The following POMT2 variants were observed in gnomAD, a reference collection of about 807,000 sequenced individuals.
POMT2 encodes the protein protein O-mannosyltransferase 2, also known as protein O-mannosyl-transferase 2.
POMT2 carries 75 observed loss-of-function variants against 100.0 expected under a neutral mutation model. The observed-to-expected ratio is 0.75, with a 90% CI of 0.62 to 0.91. The LOEUF is 0.91. Among genes scored for constraint, POMT2 ranks in the 40% least tolerant of loss-of-function variants. POMT2 has a pLI of 0.00. For missense variants in POMT2, 940 were observed against 955.1 expected, an observed-to-expected ratio of 0.98 and a Z score of 0.21; for synonymous variants, 378 against 374.1, an observed-to-expected ratio of 1.01 and a Z score of -0.12.
rs952825435 is a variant in POMT2 at position 77,277,351 on chromosome 14, C to G, written c.*25G>C. On this transcript the variant is annotated 3_prime_UTR_variant, in exon 21 of 21. Coordinates refer to ENST00000261534, the MANE Select transcript of POMT2 (RefSeq NM_013382.7). ...TGGCTCTCCTGGGAAGTTCCTGGACCCAGGCTGGAATCTTTGCAGTGGCCT... is the reference window on the plus strand; with the variant it reads ...TGGCTCTCCTGGGAAGTTCCTGGACGCAGGCTGGAATCTTTGCAGTGGCCT... 4 of 1,579,244 alleles carry G rather than the reference C, an allele frequency of 2.5e-6. No homozygotes were observed. The highest frequency in any genetic ancestry group is 1.7e-5 in the Admixed American group (1 of 59,920).
At chr14:77,287,322 C>T (rs1890461232) in intron 11 of POMT2, 1 of 153,704 alleles carries the variant, frequency 6.5e-6, no homozygotes, top group African/African-American at 2.4e-5. Context: ...TTTTATATAA[C>T]AACTCTCACT....
At chr14:77,278,970 T>C in intron 18 of POMT2, 101 bp from the exon 19 acceptor site, 2 of 1,427,564 alleles carry the variant, frequency 1.4e-6, no homozygotes, top group Non-Finnish European at 1.9e-6. Context: ...ACCTTGAATA[T>C]GTCATATCAC....
At chr14:77,284,330 T>C (rs1594888923) in intron 14 of POMT2, 1 of 225,194 alleles carries the variant, frequency 4.4e-6, no homozygotes, top group East Asian at 1.0e-4. Context: ...CCCCATGTGG[T>C]TCCTGGCATA....
chr14:77,277,539 T>C, intron 20 of POMT2, 58 bp from the exon 21 acceptor site: 1 of 1,300,176 alleles, frequency 7.7e-7, no homozygotes, highest in Middle Eastern at 1.8e-4. Context: ...GCTGAGGGGC[T>C]TTGAATTCCA....
In POMT2 at chr14:77,283,866, G is replaced by A; in HGVS notation, c.1584C>T (p.Asn528=). 6.2e-7 allele frequency: 1 copy of A among 1,611,370 alleles called. No homozygotes were observed. Among genetic ancestry groups the A allele is most frequent in the Non-Finnish European group, 8.5e-7 (1 of 1,177,450 alleles). ...TGGGCTGTAGCACATCCAGGCTGAT[G>A]TTTGGCACTAGGGGAAAAAAATGCA... ...VEDHINPKLP[N]ISLDVLQPSF... is the part of the protein sequence containing the mutation. The change falls in exon 15 of 21, where the codon AAC becomes AAT. Residue 528 remains asparagine (N), a synonymous_variant. Coordinates refer to ENST00000261534, the MANE Select transcript of POMT2 (RefSeq NM_013382.7).
chr14:77,291,731 T>A (rs1166533857), intron 9 of POMT2, among the ~76,000 whole-genome samples: 1 of 152,164 alleles, frequency 6.6e-6, no homozygotes, highest in East Asian at 1.9e-4. Context: ...AGGATTTAAG[T>A]GCATTTTCAA....
chr14:77,296,103 A>G (rs1483042613), intron 9 of POMT2, 61 bp downstream of exon 9: 7 of 1,273,608 alleles, frequency 5.5e-6, no homozygotes, highest in Admixed American at 2.0e-5. Flanking sequence ...AGGAGGCAAG[A>G]GAGTGAACTG....
In POMT2 at chr14:77,320,467, C is replaced by T. The variant is rs1430148531; in HGVS notation, c.215G>A (p.Arg72His). Residue 72 changes from arginine to histidine, a missense_variant, in exon 1 of 21, where the codon CGC (arginine) becomes CAC (histidine). Arg to His is a conservative substitution (Grantham distance 29, BLOSUM62 0). Coordinates refer to ENST00000261534, the MANE Select transcript of POMT2 (RefSeq NM_013382.7). Reference protein sequence around the residue: ...ALVTLLSFATRFHRLDEPPHI... With the variant: ...ALVTLLSFATHFHRLDEPPHI... ...CGGCGGCTCGTCCAAGCGGTGGAAG[C>T]GGGTGGCGAAGGACAGCAGCGTCAC... is the stretch of plus-strand genomic sequence containing the variant. 1.3e-6 allele frequency: 2 copies of T among 1,545,752 alleles called. No homozygotes were observed. The highest frequency in any genetic ancestry group is 1.4e-5 in the African/African-American group (1 of 73,206).
At chr14:77,289,641 G>C (rs767211124) in intron 10 of POMT2, among the ~76,000 whole-genome samples, 2 of 152,096 alleles carry the variant, frequency 1.3e-5, no homozygotes, top group Non-Finnish European at 2.9e-5. Context: ...CCATACAAAT[G>C]ACCACTTGCC....
chr14:77,308,732 G>A (rs1891328214), intron 2 of POMT2: 1 of 452,930 alleles, frequency 2.2e-6, no homozygotes, highest in Non-Finnish European at 4.4e-6. Flanking sequence ...CACTGTTGGT[G>A]GGAGTATATA....
intron 1 of POMT2, among the ~76,000 whole-genome samples, chr14:77,315,619 G>C (rs1249083019): frequency 1.3e-5 from 2 of 152,218 alleles, no homozygotes; most frequent in Non-Finnish European, 2.9e-5. Flanking sequence ...CCTGGGCAAG[G>C]GCTGCTGTGT....
At position 77,283,890 on chromosome 14, in the gene POMT2, CAGG is replaced by C; in HGVS notation, c.1577-20_1577-18del. On this transcript the variant is annotated intron_variant, in intron 14 of 20. Coordinates refer to ENST00000261534, the MANE Select transcript of POMT2 (RefSeq NM_013382.7). ...TGTTTGGCACTAGGGGAAAAAAATGCAGGAGAAAAGCCTTTGTCATACATTCTT... is the reference window on the plus strand; with the variant it reads ...TGTTTGGCACTAGGGGAAAAAAATGCAGAAAAGCCTTTGTCATACATTCTT... 2 of 1,588,492 alleles carry C rather than the reference CAGG, an allele frequency of 1.3e-6. No homozygotes were observed. The highest frequency in any genetic ancestry group is 1.7e-6 in the Non-Finnish European group (2 of 1,156,700).
At position 77,283,792 on chromosome 14, in the gene POMT2, C is replaced by G; in HGVS notation, c.1653+5G>C. On this transcript the variant is annotated splice_donor_5th_base_variant and intron_variant, in intron 15 of 20. Coordinates refer to ENST00000261534, the MANE Select transcript of POMT2 (RefSeq NM_013382.7). ...GACGCCATGAAATGAGAAGGGGACACATACCCGGATCATGACCATGTGGGA... is the reference window on the plus strand; with the variant it reads ...GACGCCATGAAATGAGAAGGGGACAGATACCCGGATCATGACCATGTGGGA... 2 of 1,599,842 alleles carry G rather than the reference C, an allele frequency of 1.3e-6. No individual in the cohort carries two copies. The highest frequency in any genetic ancestry group is 1.7e-6 in the Non-Finnish European group (2 of 1,167,056).
Position 77,277,325 on chromosome 14 carries a change from C to G in POMT2, c.*51G>C, listed in dbSNP as rs1167473733. The G allele has an allele frequency of 1.4e-6, 2 of 1,474,860 alleles. No homozygotes were observed. The highest frequency in any genetic ancestry group is 1.9e-6 in the Non-Finnish European group (2 of 1,055,194). The allele number at this position is 1,474,860 out of a possible 1,614,324, so 91.4% of individuals were successfully genotyped here. A position where few individuals can be genotyped will look rare whatever the true frequency, so the allele number is the denominator to read the frequency against. ...CGGATGGTCCAGTACTGCTTCCCAG[C>G]TGGCTCTCCTGGGAAGTTCCTGGAC... On this transcript the variant is annotated 3_prime_UTR_variant, in exon 21 of 21. Coordinates refer to ENST00000261534, the MANE Select transcript of POMT2 (RefSeq NM_013382.7).
intron 3 of POMT2, 86 bp from the exon 4 acceptor site, chr14:77,304,886 CAG>C: frequency 1.3e-6 from 2 of 1,537,258 alleles, no homozygotes; most frequent in South Asian, 1.2e-5. Context: ...ACATTTAAGA[CAG>C]GGGACCTGAT....
chr14:77,303,917 C>T (rs1215194413), intron 4 of POMT2, among the ~76,000 whole-genome samples: 1 of 152,020 alleles, frequency 6.6e-6, no homozygotes, highest in Non-Finnish European at 1.5e-5. Flanking sequence ...GAAAAGTGGC[C>T]GGGAGCTGGG....
Position 77,286,826 on chromosome 14 carries a change from G to A in POMT2, c.1254-4C>T. On this transcript the variant is annotated splice_region_variant and splice_polypyrimidine_tract_variant and intron_variant, in intron 11 of 20. Transcript: ENST00000261534. Reference sequence around the variant, plus strand: ...ACTGTGCAAGTTCCGGGAAGTTCTAGAAGTTAGAAAAGAGAAGTGTCATTA... The same window carrying A: ...ACTGTGCAAGTTCCGGGAAGTTCTAAAAGTTAGAAAAGAGAAGTGTCATTA... The A allele has an allele frequency of 6.2e-7, 1 of 1,614,178 alleles. No individual in the cohort carries two copies. The highest frequency in any genetic ancestry group is 8.5e-7 in the Non-Finnish European group (1 of 1,180,032).
At chr14:77,297,508 A>G (rs1890875093) in intron 8 of POMT2, among the ~76,000 whole-genome samples, 2 of 152,164 alleles carry the variant, frequency 1.3e-5, no homozygotes, top group South Asian at 4.1e-4. Flanking sequence ...GCAGCTCACT[A>G]TCAACCCCTC....
chr14:77,298,768 G>A lies in POMT2; in HGVS notation c.927C>T (p.Gly309=), dbSNP rs1201482559. 1.2e-6 allele frequency: 2 copies of A among 1,612,236 alleles called. No homozygotes were observed. The highest frequency in any genetic ancestry group is 3.3e-5 in the Admixed American group (2 of 59,828). ...CAGAACTGAAGAAACCGTCACCAGG[G>A]CCACTGTGGGGAGAGGAAGAGCAGA... ...AVHFMVLSKS[G]PGDGFFSSAF... The change falls in exon 8 of 21, where the codon GGC becomes GGT. Residue 309 remains glycine (G), a synonymous_variant. Transcript: ENST00000261534.
Sources: allele counts gnomAD v4.1 joint callset (sites outside exome capture counted in the v4.1 genomes callset), GRCh38; gene constraint gnomAD v4.1.1; transcripts MANE v1.5; gene names NCBI Gene and HGNC (gene_info 2026-07-23, HGNC 2026-07-21).